Variants in FRMD4B observed in about 807,000 individuals in gnomAD.
FRMD4B encodes FERM domain-containing protein 4B.
Under a neutral mutation model 141.5 loss-of-function variants are expected in FRMD4B, and 74 were observed. The ratio of observed to expected loss-of-function variants is 0.52; its 90% CI spans 0.43 to 0.63. The LOEUF is 0.63. Ranked by LOEUF, FRMD4B falls within the 30% of genes least tolerant of loss-of-function variation. The pLI is 0.00. For synonymous variants in FRMD4B, 506 were observed against 467.9 expected (o/e 1.08, Z -1.05); for missense variants, 1,366 against 1,253.4 (o/e 1.09, Z -1.36).
intron 7 of FRMD4B, among the ~76,000 whole-genome samples, chr3:69,229,136 C>T (rs1396206820): frequency 6.6e-6 from 1 of 151,592 alleles, no homozygotes; most frequent in African/African-American, 2.4e-5. Context: ...AGTGATCCTC[C>T]CCGCTCAGCC....
chr3:69,185,712 A>G (rs140863292), intron 19 of FRMD4B, among the ~76,000 whole-genome samples: 1 of 152,296 alleles, frequency 6.6e-6, no homozygotes, highest in East Asian at 1.9e-4. Context: ...AATAAATTAC[A>G]TAGAAAAAAC....
chr3:69,271,270 G>A (rs550539700), intron 5 of FRMD4B, among the ~76,000 whole-genome samples: 1 of 152,282 alleles, frequency 6.6e-6, no homozygotes, highest in South Asian at 2.1e-4. Context: ...TTGGGCTGGC[G>A]ATATACCAGT....
At chr3:69,276,696 G>A (rs577307606) in intron 5 of FRMD4B, among the ~76,000 whole-genome samples, 1 of 152,304 alleles carries the variant, frequency 6.6e-6, no homozygotes, top group African/African-American at 2.4e-5. Context: ...TGGACACAGT[G>A]GCTCATGCCT....
In FRMD4B at chr3:69,252,875, A is replaced by G. The variant is rs146729485; in HGVS notation, c.502-2776T>C. ...ACTTCAGTGAGTTTCCATGACTGTC[A>G]TGGATAAAAAAAGAGAACCAGAGAA... On this transcript the variant is annotated intron_variant, in intron 5 of 22. Transcript: ENST00000398540. Among the ~76,000 whole-genome samples, 451 of 152,250 alleles carry G rather than the reference A, an allele frequency of 3.0e-3. 1 individual carries two copies. The highest frequency in any genetic ancestry group is 2.1e-3 in the Non-Finnish European group (142 of 68,018).
chr3:69,297,676 C>A (rs1221930717), intron 4 of FRMD4B, among the ~76,000 whole-genome samples: 1 of 152,108 alleles, frequency 6.6e-6, no homozygotes, highest in African/African-American at 2.4e-5. Context: ...CACTGTCAAG[C>A]CTTTCAAATG....
chr3:69,230,034 T>C (rs1041185892), intron 7 of FRMD4B, among the ~76,000 whole-genome samples: 2 of 151,894 alleles, frequency 1.3e-5, no homozygotes, highest in Admixed American at 1.3e-4. Flanking sequence ...TGGAGTGCAG[T>C]GGCGCAATGT....
chr3:69,494,145 A>C (rs1706347886), intron 1 of FRMD4B, among the ~76,000 whole-genome samples: 1 of 152,158 alleles, frequency 6.6e-6, no homozygotes, highest in Admixed American at 6.5e-5. Flanking sequence ...CTCCCTAAGC[A>C]CTGGGATTAT....
chr3:69,311,408 T>G, intron 2 of FRMD4B, 51 bp from the exon 3 acceptor site: 1 of 811,298 alleles, frequency 1.2e-6, no homozygotes, highest in East Asian at 2.5e-5. Context: ...TCTCTCTTAC[T>G]GCTACCACCT....
intron 1 of FRMD4B, among the ~76,000 whole-genome samples, chr3:69,539,928 G>A (rs77805988): frequency 0.014 from 2,082 of 152,194 alleles, 113 homozygotes; most frequent in East Asian, 0.11. Context: ...TGTGGCTCAC[G>A]CCTGTAATCC....
rs753487734 is a variant in FRMD4B, at chr3:69,189,931, C to T, written c.1736G>A (p.Ser579Asn). The T allele has an allele frequency of 3.8e-5, 60 of 1,599,128 alleles. No individual in the cohort carries two copies. The highest frequency in any genetic ancestry group is 4.9e-5 in the Non-Finnish European group (57 of 1,166,830). Residue 579 changes from serine to asparagine, a missense_variant, in exon 18 of 23, where the codon AGT becomes AAT. Ser to Asn is a conservative substitution (Grantham distance 46). Transcript: ENST00000398540. ...GGTGGTGGTGTCAGACAAAGAGCTACTCTCTGAGGGGATTATGTCTTCTGT... is the reference window on the plus strand; with the variant it reads ...GGTGGTGGTGTCAGACAAAGAGCTATTCTCTGAGGGGATTATGTCTTCTGT... ...VLPEDIIPSE[S>N]SSLSDTTTYD...
intron 1 of FRMD4B, among the ~76,000 whole-genome samples, chr3:69,499,952 T>A (rs894848721): frequency 1.3e-5 from 2 of 152,222 alleles, no homozygotes; most frequent in African/African-American, 4.8e-5. Context: ...CACGGCTTGG[T>A]CAAGAAGACT....
At chr3:69,187,203 T>C (rs946196691) in intron 19 of FRMD4B, among the ~76,000 whole-genome samples, 17 of 152,132 alleles carry the variant, frequency 1.1e-4, no homozygotes, top group Admixed American at 7.2e-4. Context: ...ATAGATCAAA[T>C]AGACTTTAAA....
chr3:69,411,969 T>C (rs1403696646), intron 2 of FRMD4B, among the ~76,000 whole-genome samples: 2 of 152,248 alleles, frequency 1.3e-5, no homozygotes, highest in Non-Finnish European at 2.9e-5. Context: ...CACTTGCTAA[T>C]CTAGCTAGAA....
At chr3:69,256,081 G>T (rs574774922) in intron 5 of FRMD4B, among the ~76,000 whole-genome samples, 31 of 150,912 alleles carry the variant, frequency 2.1e-4, no homozygotes, top group South Asian at 8.6e-4. Flanking sequence ...TGGGTGACAC[G>T]GTGAGACCTG....
intron 11 of FRMD4B, among the ~76,000 whole-genome samples, chr3:69,209,128 A>C (rs575532830): frequency 2.7e-5 from 4 of 150,414 alleles, no homozygotes; most frequent in African/African-American, 4.9e-5. Flanking sequence ...TGGGCAACAG[A>C]GCGAGAATCC....
intron 7 of FRMD4B, among the ~76,000 whole-genome samples, chr3:69,225,850 G>A (rs1432112200): frequency 3.3e-5 from 5 of 152,088 alleles, no homozygotes; most frequent in South Asian, 2.1e-4. Context: ...CCTATTAGAG[G>A]GTAGCTACTC....
intron 2 of FRMD4B, among the ~76,000 whole-genome samples, chr3:69,427,544 C>A (rs1029006732): frequency 2.0e-5 from 3 of 149,904 alleles, no homozygotes; most frequent in Non-Finnish European, 4.4e-5. Flanking sequence ...CCTTTCAGAG[C>A]TCTTCTCTGA....
intron 5 of FRMD4B, among the ~76,000 whole-genome samples, chr3:69,254,485 A>T (rs1020566070): frequency 4.6e-5 from 7 of 152,324 alleles, no homozygotes; most frequent in Admixed American, 4.6e-4. Context: ...ACCTCTCCAT[A>T]GATTACTTAT....
intron 4 of FRMD4B, among the ~76,000 whole-genome samples, chr3:69,291,611 C>T (rs567357274): frequency 1.3e-5 from 2 of 152,292 alleles, no homozygotes; most frequent in Non-Finnish European, 2.9e-5. Flanking sequence ...GTGACCCAAG[C>T]TAGGCCAGTC....
Sources: allele counts gnomAD v4.1 joint callset (sites outside exome capture counted in the v4.1 genomes callset), GRCh38; gene constraint gnomAD v4.1.1; transcripts MANE v1.5; gene names NCBI Gene and HGNC (gene_info 2026-07-23, HGNC 2026-07-21).